Variants in FRAS1 observed in about 807,000 individuals in gnomAD.
The protein encoded by FRAS1 is Fraser extracellular matrix complex subunit 1, also known as extracellular matrix organizing protein FRAS1.
Under a neutral mutation model 435.2 loss-of-function variants are expected in FRAS1, and 290 were observed. That is an observed-to-expected ratio of 0.67 (90% CI 0.61 to 0.73). FRAS1 has a LOEUF of 0.73. Ranked by LOEUF, FRAS1 falls within the 30% of genes least tolerant of loss-of-function variation. FRAS1 has a pLI of 0.00. For missense variants in FRAS1, 4,860 were observed against 5,001.5 expected (o/e 0.97, Z 0.85); for synonymous variants, 1,800 against 1,851.0 (o/e 0.97, Z 0.71).
chr4:78,490,527 A>T (rs893263017), intron 59 of FRAS1, among the ~76,000 whole-genome samples: 6 of 152,252 alleles, frequency 3.9e-5, no homozygotes, highest in East Asian at 1.9e-4. Context: ...AACTACATGG[A>T]AACTGAACAA....
intron 2 of FRAS1, among the ~76,000 whole-genome samples, chr4:78,187,927 A>G (rs17003036): frequency 0.051 from 7,787 of 152,196 alleles, 659 homozygotes; most frequent in African/African-American, 0.18. Context: ...TAAAGACAGC[A>G]TCAGCATTTG....
At chr4:78,358,979 A>T (rs1730971306) in intron 20 of FRAS1, among the ~76,000 whole-genome samples, 1 of 152,242 alleles carries the variant, frequency 6.6e-6, no homozygotes, top group East Asian at 1.9e-4. Flanking sequence ...ATTGTATAGA[A>T]AAAGCACTAA....
chr4:78,116,031 C>G (rs1279833663), intron 2 of FRAS1, among the ~76,000 whole-genome samples: 1 of 152,152 alleles, frequency 6.6e-6, no homozygotes, highest in Non-Finnish European at 1.5e-5. Context: ...TATGTTGTGT[C>G]TTTGTTCTCA....
chr4:78,448,232 A>G lies in FRAS1; in HGVS notation c.6190A>G (p.Thr2064Ala). The change falls in exon 44 of 74, where the codon ACA becomes GCA. Residue 2064 changes from threonine (T) to alanine (A), a missense_variant. Thr to Ala is a moderately conservative substitution (Grantham distance 58). Coordinates refer to ENST00000512123, the MANE Select transcript of FRAS1 (RefSeq NM_025074.7). ...CCTCACTGATGGCCTCCACGTGGAC[A>G]CAGGGAGGATGAAGATCTACACAGA... is the stretch of plus-strand genomic sequence containing the variant. ...FSLTDGLHVDTGRMKIYTELP... is the reference protein window; with the variant it reads ...FSLTDGLHVDAGRMKIYTELP... 1 of 1,613,240 alleles carries G rather than the reference A, an allele frequency of 6.2e-7. No homozygotes were observed.
intron 2 of FRAS1, among the ~76,000 whole-genome samples, chr4:78,067,828 G>C (rs886756098): frequency 6.7e-5 from 10 of 149,646 alleles, no homozygotes; most frequent in African/African-American, 9.8e-5. Context: ...CAAGTAGATG[G>C]GACTACAGCT....
chr4:78,479,686 G>A lies in FRAS1; in HGVS notation c.8411G>A (p.Gly2804Asp). ...GPNDASTVSL[G>D]NTAFTVSEDA... ...AACGATGCCTCGACTGTGTCCCTGG[G>A]CAACACGGCTTTCACTGTCAGTGAG... Residue 2804 changes from glycine (G) to aspartate (D), a missense_variant, in exon 56 of 74, where the codon GGC becomes GAC. By Grantham distance (94) the Gly-to-Asp change is moderately conservative. Transcript: ENST00000512123. 1 of 1,600,738 alleles carries A rather than the reference G, an allele frequency of 6.2e-7. No homozygotes were observed.
intron 4 of FRAS1, among the ~76,000 whole-genome samples, chr4:78,251,177 T>G (rs184845825): frequency 1.9e-4 from 29 of 152,264 alleles, no homozygotes; most frequent in Admixed American, 1.8e-3. Context: ...TGGCCCACAG[T>G]TTGTGGACTT....
chr4:78,224,680 G>A (rs530102857), intron 2 of FRAS1, among the ~76,000 whole-genome samples: 72 of 152,014 alleles, frequency 4.7e-4, no homozygotes, highest in African/African-American at 1.4e-3. Context: ...CCACAGGTGC[G>A]CACCACGGCA....
intron 24 of FRAS1, among the ~76,000 whole-genome samples, chr4:78,373,536 G>A (rs148388690): frequency 0.034 from 5,121 of 151,032 alleles, 309 homozygotes; most frequent in African/African-American, 0.12. Flanking sequence ...CCAACAGTTT[G>A]GGAGGCGGAG....
Position 78,475,524 on chromosome 4 carries a change from G to A in FRAS1, c.7769G>A (p.Arg2590His), listed in dbSNP as rs371336930. Reference sequence around the variant, plus strand: ...AACCAATATGCCATCGTCCTGTGTCGCACCGAGCAAGGCACCGCCAGCTCC... The same window carrying A: ...AACCAATATGCCATCGTCCTGTGTCACACCGAGCAAGGCACCGCCAGCTCC... Reference protein sequence around the residue: ...NLNQYAIVLCRTEQGTASSSS... With the variant: ...NLNQYAIVLCHTEQGTASSSS... The change falls in exon 54 of 74, where the codon CGC becomes CAC. Residue 2590 changes from arginine to histidine, a missense_variant. By Grantham distance (29) the Arg-to-His change is conservative. Coordinates refer to ENST00000512123, the MANE Select transcript of FRAS1 (RefSeq NM_025074.7). The A allele has an allele frequency of 5.1e-5, 83 of 1,613,766 alleles. 2 individuals carry two copies. The highest frequency in any genetic ancestry group is 2.9e-4 in the South Asian group (26 of 91,054).
In FRAS1 at chr4:78,537,116, T is replaced by C. The variant is rs1323522645; in HGVS notation, c.11214T>C (p.Asp3738=). 3 of 1,614,010 alleles carry C rather than the reference T, an allele frequency of 1.9e-6. No homozygotes were observed. The highest frequency in any genetic ancestry group is 3.3e-5 in the Admixed American group (2 of 60,032). ...AGGATGGTTATGTGCCTTTCTTTGA[T>C]CCCACGGGGACAATCTACAATGAAG... ...TGKDGYVPFF[D]PTGTIYNEGP... is the part of the protein sequence containing the mutation. Residue 3738 remains aspartate, a synonymous_variant, in exon 72 of 74, where the codon GAT becomes GAC. Coordinates refer to ENST00000512123, the MANE Select transcript of FRAS1 (RefSeq NM_025074.7).
intron 2 of FRAS1, among the ~76,000 whole-genome samples, chr4:78,096,580 T>C (rs1419492233): frequency 6.6e-6 from 1 of 152,208 alleles, no homozygotes; most frequent in Non-Finnish European, 1.5e-5. Context: ...CAGACCTCAG[T>C]TCTTGAGTTC....
At chr4:78,193,620 T>C (rs1464563334) in intron 2 of FRAS1, among the ~76,000 whole-genome samples, 23 of 152,112 alleles carry the variant, frequency 1.5e-4, no homozygotes, top group Admixed American at 1.3e-3. Flanking sequence ...TTTCCATTTG[T>C]TTGGTAGATC....
intron 2 of FRAS1, among the ~76,000 whole-genome samples, chr4:78,200,902 C>A (rs1578182255): frequency 1.1e-5 from 1 of 91,058 alleles, no homozygotes; most frequent in East Asian, 3.7e-4. Context: ...TATATAAATA[C>A]GTATATATAT....
Position 78,372,807 on chromosome 4 carries a change from T to A in FRAS1, c.2959T>A (p.Cys987Ser). ...TGGCTATGTTCTCCAGGATGGGGCC[T>A]GCGTGGAGCAGTGCTTGTCATCATT... ...MDGYVLQDGA[C>S]VEQCLSSFYQ... The change falls in exon 24 of 74, where the codon TGC becomes AGC. Residue 987 changes from cysteine to serine, a missense_variant. Cys to Ser is a moderately radical substitution (Grantham distance 112, BLOSUM62 -1). Transcript: ENST00000512123. 6.2e-7 allele frequency: 1 copy of A among 1,613,096 alleles called. No homozygotes were observed. The highest frequency in any genetic ancestry group is 8.5e-7 in the Non-Finnish European group (1 of 1,179,692).
chr4:78,303,367 TA>T (rs1728525123), intron 14 of FRAS1, among the ~76,000 whole-genome samples: 1 of 152,200 alleles, frequency 6.6e-6, no homozygotes, highest in South Asian at 2.1e-4. Flanking sequence ...ATATGAACTT[TA>T]AAGTAGTTTT....
intron 15 of FRAS1, 88 bp from the exon 16 acceptor site, chr4:78,315,506 A>G: frequency 7.7e-7 from 1 of 1,306,322 alleles, no homozygotes; most frequent in South Asian, 1.6e-5. Context: ...TGATATTGAT[A>G]CCCATTGTGG....
chr4:78,379,396 C>A, intron 26 of FRAS1: 1 of 246,526 alleles, frequency 4.1e-6, no homozygotes, highest in Non-Finnish European at 7.6e-6. Context: ...TTCCAGGCTC[C>A]ATGTCTTCTA....
chr4:78,339,348 T>C (rs549848749), intron 20 of FRAS1, among the ~76,000 whole-genome samples: 2 of 152,228 alleles, frequency 1.3e-5, no homozygotes, highest in South Asian at 4.2e-4. Flanking sequence ...AGGTGCCAAG[T>C]TGATGTTTGA....
Sources: allele counts gnomAD v4.1 joint callset (sites outside exome capture counted in the v4.1 genomes callset), GRCh38; gene constraint gnomAD v4.1.1; transcripts MANE v1.5; gene names NCBI Gene and HGNC (gene_info 2026-07-23, HGNC 2026-07-21).